Variants in HNF4G observed in about 807,000 individuals in gnomAD.
The protein encoded by HNF4G is hepatocyte nuclear factor 4 gamma, also known as hepatocyte nuclear factor 4-gamma.
A neutral mutation model predicts 50.9 loss-of-function variants in HNF4G; 21 were observed. The observed-to-expected ratio is 0.41, with a 90% confidence interval of 0.29 to 0.59. The LOEUF is 0.59. Ranked by LOEUF, HNF4G falls within the 20% of genes least tolerant of loss-of-function variation. The pLI is 0.26. For synonymous variants in HNF4G, 198 were observed against 185.6 expected (o/e 1.07, Z -0.54); for missense variants, 527 against 559.4 (o/e 0.94, Z 0.58).
intron 9 of HNF4G, 152 bp from the exon 10 acceptor site, chr8:75,563,823 G>A (rs1807387345): frequency 1.1e-5 from 8 of 757,750 alleles, no homozygotes; most frequent in Non-Finnish European, 1.6e-5. Flanking sequence ...TACGTCATGG[G>A]CCAATAATGC....
intron 2 of HNF4G, 69 bp downstream of exon 2, chr8:75,544,048 G>A: frequency 7.2e-7 from 1 of 1,385,928 alleles, no homozygotes; most frequent in Non-Finnish European, 9.8e-7. Flanking sequence ...AAAAGTAAGA[G>A]AAGAAAATTC....
intron 2 of HNF4G, among the ~76,000 whole-genome samples, chr8:75,506,916 A>G (rs1813091707): frequency 6.6e-6 from 1 of 152,200 alleles, no homozygotes; most frequent in Non-Finnish European, 1.5e-5. Context: ...AAGACGAGAT[A>G]GGTCTTTATG....
At chr8:75,408,760 T>G (rs1238777874) in intron 1 of HNF4G, among the ~76,000 whole-genome samples, 1 of 152,192 alleles carries the variant, frequency 6.6e-6, no homozygotes, top group Non-Finnish European at 1.5e-5. Context: ...GTCAAAGCAC[T>G]GTACAACAAG....
In HNF4G at chr8:75,566,124, T is replaced by A. The variant is rs1469303041; in HGVS notation, c.*2028T>A. On this transcript the variant is annotated 3_prime_UTR_variant, in exon 10 of 10. Coordinates refer to ENST00000396423, the MANE Select transcript of HNF4G (RefSeq NM_004133.5). ...CAGCTTATAAACAACAGAAATTTAT[T>A]TCTCGCTGTTCTCAATGGTGGGAAG... 1 of 152,206 alleles carries A rather than the reference T, an allele frequency of 6.6e-6. No homozygotes were observed. The highest frequency in any genetic ancestry group is 1.9e-4 in the East Asian group (1 of 5,190). 9.4% of individuals were successfully genotyped at this position (152,206 alleles called of 1,614,324 possible). A position where few individuals can be genotyped will look rare whatever the true frequency, so the allele number is the denominator to read the frequency against.
At chr8:75,526,749 T>C (rs1199089857) in intron 2 of HNF4G, among the ~76,000 whole-genome samples, 1 of 147,242 alleles carries the variant, frequency 6.8e-6, no homozygotes, top group Non-Finnish European at 1.5e-5. Context: ...ACTCTTCAGT[T>C]GCCCAGGTTA....
At chr8:75,410,376 A>G (rs1461263221) in intron 1 of HNF4G, among the ~76,000 whole-genome samples, 1 of 152,170 alleles carries the variant, frequency 6.6e-6, no homozygotes, top group Admixed American at 6.5e-5. Flanking sequence ...TTGATTCCTC[A>G]TTGTTGGGAA....
In HNF4G at chr8:75,562,329, A is replaced by G. The variant is rs138356590; in HGVS notation, c.1247-1646A>G. On this transcript the variant is annotated intron_variant, in intron 9 of 9. Coordinates refer to ENST00000396423, the MANE Select transcript of HNF4G (RefSeq NM_004133.5). ...AATTATTTGAATATATGAGAAAGAG[A>G]AAGAAATGAAATTGTTAGGAAAAAA... is the stretch of plus-strand genomic sequence containing the variant. Among the ~76,000 whole-genome samples the G allele has an allele frequency of 6.2e-3, 944 of 152,258 alleles. 10 individuals are homozygous for G. Among genetic ancestry groups the G allele is most frequent in the African/African-American group, 0.021 (888 of 41,550 alleles).
intron 1 of HNF4G, among the ~76,000 whole-genome samples, chr8:75,462,461 A>T (rs1811877445): frequency 6.6e-6 from 1 of 152,186 alleles, no homozygotes; most frequent in African/African-American, 2.4e-5. Context: ...CCAGAGCAGG[A>T]TGACATGAAA....
At chr8:75,483,968 A>C (rs1812440792) in intron 1 of HNF4G, among the ~76,000 whole-genome samples, 1 of 152,212 alleles carries the variant, frequency 6.6e-6, no homozygotes, top group Non-Finnish European at 1.5e-5. Flanking sequence ...TTCATGAATT[A>C]TCACAACTTT....
intron 3 of HNF4G, among the ~76,000 whole-genome samples, chr8:75,548,030 C>T (rs1414337036): frequency 2.0e-5 from 3 of 150,098 alleles, no homozygotes; most frequent in Non-Finnish European, 4.4e-5. Flanking sequence ...GCTCTGTCAA[C>T]CAGGCTGGAG....
At chr8:75,524,358 T>C (rs2130752254) in intron 2 of HNF4G, among the ~76,000 whole-genome samples, 1 of 152,328 alleles carries the variant, frequency 6.6e-6, no homozygotes, top group African/African-American at 2.4e-5. Context: ...CATTCTACTG[T>C]TGTGTGCCCA....
At chr8:75,530,502 CA>C (rs2130765112) in intron 2 of HNF4G, among the ~76,000 whole-genome samples, 1 of 151,422 alleles carries the variant, frequency 6.6e-6, no homozygotes, top group African/African-American at 2.4e-5. Context: ...ACTCAGGTAC[CA>C]AACTGACATT....
At chr8:75,516,933 C>A (rs1189092052) in intron 2 of HNF4G, among the ~76,000 whole-genome samples, 1 of 152,038 alleles carries the variant, frequency 6.6e-6, no homozygotes, top group Non-Finnish European at 1.5e-5. Context: ...TAAAGACATA[C>A]CCAAGACTGG....
intron 1 of HNF4G, among the ~76,000 whole-genome samples, chr8:75,453,433 C>G (rs1811634245): frequency 6.6e-6 from 1 of 152,170 alleles, no homozygotes; most frequent in Non-Finnish European, 1.5e-5. Context: ...ACGATCAGCA[C>G]TCTGTTAAAT....
At chr8:75,552,059 G>A (rs1430968108) in intron 4 of HNF4G, among the ~76,000 whole-genome samples, 1 of 152,104 alleles carries the variant, frequency 6.6e-6, no homozygotes, top group African/African-American at 2.4e-5. Flanking sequence ...ATTATTTAGT[G>A]TTGTATAAAG....
At chr8:75,510,670 CTATAGCA>C (rs1418181306) in intron 2 of HNF4G, among the ~76,000 whole-genome samples, 2 of 152,124 alleles carry the variant, frequency 1.3e-5, no homozygotes, top group Non-Finnish European at 2.9e-5. Context: ...CAGCAATAGA[CTATAGCA>C]TATAGCCTAG....
chr8:75,521,096 TA>T (rs2130745734), intron 2 of HNF4G, among the ~76,000 whole-genome samples: 1 of 152,310 alleles, frequency 6.6e-6, no homozygotes, highest in Admixed American at 6.5e-5. Flanking sequence ...TATACATGGA[TA>T]TTTTTAATGG....
chr8:75,476,073 A>AT (rs1271168508), intron 1 of HNF4G, among the ~76,000 whole-genome samples: 2 of 151,850 alleles, frequency 1.3e-5, no homozygotes, highest in Admixed American at 1.3e-4. Context: ...CCAAAAGACC[A>AT]TTTTTCAACA....
rs1042810425 is a variant in HNF4G at position 75,486,288 on chromosome 8, A to G, written c.-143-3801A>G. ...AATAATTTTCCCTTAAGTTTTCTGCATGTCTTAAAGTATAAGTCTCCATTG... is the reference window on the plus strand; with the variant it reads ...AATAATTTTCCCTTAAGTTTTCTGCGTGTCTTAAAGTATAAGTCTCCATTG... On this transcript the variant is annotated intron_variant, in intron 1 of 10. Coordinates refer to the HNF4G transcript ENST00000354370. 3.3e-5 allele frequency among the ~76,000 whole-genome samples: 5 copies of G among 152,216 alleles called. No homozygotes were observed. The South Asian group carries it at 1.0e-3, about 32-fold the overall frequency.
Sources: allele counts gnomAD v4.1 joint callset (sites outside exome capture counted in the v4.1 genomes callset), GRCh38; gene constraint gnomAD v4.1.1; transcripts MANE v1.5; gene names NCBI Gene and HGNC (gene_info 2026-07-23, HGNC 2026-07-21).